The following AGBL4 variants were observed in gnomAD, a reference collection of about 807,000 sequenced individuals.
AGBL4 encodes the protein cytosolic carboxypeptidase 6.
A neutral mutation model predicts 66.4 loss-of-function variants in AGBL4; 58 were observed. That is an observed-to-expected ratio of 0.87 (90% CI 0.71 to 1.09). AGBL4 has a LOEUF of 1.09. Ranked by LOEUF, AGBL4 falls within the 50% of genes least tolerant of loss-of-function variation. AGBL4 has a pLI of 0.00. For missense variants in AGBL4, 579 were observed against 631.0 expected (o/e 0.92, Z 0.88); for synonymous variants, 234 against 222.9 (o/e 1.05, Z -0.44).
intron 3 of AGBL4, among the ~76,000 whole-genome samples, chr1:49,557,223 G>T (rs114682111): frequency 0.053 from 8,108 of 152,174 alleles, 258 homozygotes; most frequent in African/African-American, 0.071. Flanking sequence ...CTGAGGAGGT[G>T]CTGAGAGCGA....
At chr1:49,955,370 T>A (rs937280707) in intron 1 of AGBL4, among the ~76,000 whole-genome samples, 2 of 151,976 alleles carry the variant, frequency 1.3e-5, no homozygotes, top group African/African-American at 2.4e-5. Context: ...AGAATTACAT[T>A]GGGTAGTTCA....
Position 49,045,798 on chromosome 1 carries a change from T to C in AGBL4, c.380A>G (p.Gln127Arg). Residue 127 changes from glutamine to arginine, a missense_variant and splice_region_variant, in exon 5 of 14, where the codon CAA becomes CGA. Physicochemically the swap from Gln to Arg is conservative, Grantham distance 43. Transcript: ENST00000371839. ...GTAAACATTTTTGGGTGGCAGCCTT[T>C]GCCTAAAATATATAAACAAAGAAAT... ...MVKSTSRPKW[Q>R]RLPPKNVYYY... is the part of the protein sequence containing the mutation. 6.5e-7 allele frequency: 1 copy of C among 1,550,204 alleles called. No individual in the cohort carries two copies.
At chr1:49,097,344 G>A (rs1645124440) in intron 4 of AGBL4, among the ~76,000 whole-genome samples, 1 of 152,192 alleles carries the variant, frequency 6.6e-6, no homozygotes, top group African/African-American at 2.4e-5. Context: ...TAAAAAGAGG[G>A]CTTCTGAGAT....
At chr1:49,740,626 C>T (rs965620866) in intron 2 of AGBL4, among the ~76,000 whole-genome samples, 13 of 152,176 alleles carry the variant, frequency 8.5e-5, no homozygotes, top group Non-Finnish European at 1.8e-4. Context: ...CACACCTATT[C>T]CAAAATTGAC....
chr1:48,700,698 G>A (rs1174861698), intron 6 of AGBL4, among the ~76,000 whole-genome samples: 1 of 152,106 alleles, frequency 6.6e-6, no homozygotes, highest in African/African-American at 2.4e-5. Context: ...GGAAAGGAAG[G>A]GAGCTAAGAA....
In AGBL4 at chr1:49,628,286, T is replaced by C. The variant is rs1365821767; in HGVS notation, c.282+69027A>G. On this transcript the variant is annotated intron_variant, in intron 3 of 13. Transcript: ENST00000371839. ...ATAACATAGAGTCTTCCAAATTACATAGCACAAGGGACAGAGGAACTTTTC... is the reference window on the plus strand; with the variant it reads ...ATAACATAGAGTCTTCCAAATTACACAGCACAAGGGACAGAGGAACTTTTC... 5.3e-5 allele frequency among the ~76,000 whole-genome samples: 8 copies of C among 152,160 alleles called. No individual in the cohort carries two copies. In the South Asian group the frequency reaches 8.3e-4, roughly 16 times the overall value.
chr1:49,510,595 C>A (rs1199133850), intron 3 of AGBL4, among the ~76,000 whole-genome samples: 1 of 151,048 alleles, frequency 6.6e-6, no homozygotes, highest in Admixed American at 6.6e-5. Context: ...TAATTAGATC[C>A]CATTTGTCAA....
intron 3 of AGBL4, among the ~76,000 whole-genome samples, chr1:49,306,958 T>C (rs973108675): frequency 1.7e-4 from 26 of 152,162 alleles, no homozygotes; most frequent in African/African-American, 6.3e-4. Context: ...TCACTTGCAC[T>C]AGGGCAGGAT....
At chr1:49,377,825 G>A (rs1431391478) in intron 3 of AGBL4, among the ~76,000 whole-genome samples, 1 of 152,086 alleles carries the variant, frequency 6.6e-6, no homozygotes, top group Non-Finnish European at 1.5e-5. Context: ...AAGCACACCT[G>A]TACCTGGCTC....
intron 7 of AGBL4, among the ~76,000 whole-genome samples, chr1:48,661,784 T>G (rs527872355): frequency 1.3e-5 from 2 of 152,318 alleles, no homozygotes; most frequent in Admixed American, 6.5e-5. Flanking sequence ...GGCTACTGTC[T>G]TTTTACAAAC....
chr1:49,006,269 G>C (rs969005353), intron 5 of AGBL4, among the ~76,000 whole-genome samples: 2 of 151,752 alleles, frequency 1.3e-5, no homozygotes, highest in Admixed American at 6.5e-5. Flanking sequence ...GGTGATGAAG[G>C]GCACCTGGAA....
intron 3 of AGBL4, among the ~76,000 whole-genome samples, chr1:49,623,450 C>CT (rs1268971194): frequency 6.6e-6 from 1 of 152,196 alleles, no homozygotes; most frequent in East Asian, 1.9e-4. Context: ...GATGCTTCTT[C>CT]TTTCCTGGCA....
intron 3 of AGBL4, among the ~76,000 whole-genome samples, chr1:49,582,178 C>A (rs886321359): frequency 1.3e-5 from 2 of 152,160 alleles, no homozygotes; most frequent in African/African-American, 4.8e-5. Context: ...TGGAAAAAAA[C>A]TGATTGGAAG....
intron 3 of AGBL4, among the ~76,000 whole-genome samples, chr1:49,374,532 C>T (rs1644431846): frequency 6.6e-6 from 1 of 152,038 alleles, no homozygotes. Flanking sequence ...GGAAACATTC[C>T]TTGAGTGACC....
chr1:49,988,022 A>T (rs1659646509), intron 1 of AGBL4, among the ~76,000 whole-genome samples: 1 of 151,838 alleles, frequency 6.6e-6, no homozygotes, highest in African/African-American at 2.4e-5. Flanking sequence ...GAATTTATTT[A>T]AGGGAAGAAA....
chr1:49,561,729 C>T (rs1644050423), intron 3 of AGBL4, among the ~76,000 whole-genome samples: 1 of 152,090 alleles, frequency 6.6e-6, no homozygotes, highest in Non-Finnish European at 1.5e-5. Context: ...TGGGTTGGTT[C>T]CAAGTCTTTG....
intron 3 of AGBL4, among the ~76,000 whole-genome samples, chr1:49,310,463 T>C (rs764678741): frequency 1.3e-5 from 2 of 152,016 alleles, no homozygotes; most frequent in Admixed American, 6.6e-5. Flanking sequence ...TTCTAAAAAA[T>C]TAAATGAAAC....
intron 5 of AGBL4, among the ~76,000 whole-genome samples, chr1:48,892,176 G>C (rs1471327780): frequency 2.6e-5 from 4 of 152,040 alleles, no homozygotes; most frequent in Non-Finnish European, 5.9e-5. Context: ...GAGCTCCTTG[G>C]TTTGTGGCAG....
At chr1:49,460,260 T>C (rs1646482564) in intron 3 of AGBL4, among the ~76,000 whole-genome samples, 1 of 151,750 alleles carries the variant, frequency 6.6e-6, no homozygotes, top group African/African-American at 2.4e-5. Context: ...TTTTATAACT[T>C]TGAGAGCTCT....
Sources: gnomAD v4.1 joint callset for allele counts (sites outside exome capture counted in the v4.1 genomes callset) on GRCh38, gnomAD v4.1.1 for gene constraint, MANE v1.5 for transcripts, NCBI Gene and HGNC (gene_info 2026-07-23, HGNC 2026-07-21) for gene names.